Variants in KANTR observed in about 807,000 individuals in gnomAD.
KANTR encodes KDM5C adjacent transcript.
Position 53,115,387 on chromosome X carries a change from CG to C in KANTR, c.-804-8075del, listed in dbSNP as rs782581920. On this transcript the variant is annotated intron_variant, in intron 2 of 2. Transcript: ENST00000604062. ...CTGGGGTGGGCCTGAAACCTGGGGCCGGGGGGGCCAGCCCCATGCTGGGGAT... is the reference window on the plus strand; with the variant it reads ...CTGGGGTGGGCCTGAAACCTGGGGCCGGGGGGCCAGCCCCATGCTGGGGAT... Among the ~76,000 whole-genome samples, 3 of 110,313 alleles carry C rather than the reference CG, an allele frequency of 2.7e-5. No homozygotes were observed. The Admixed American group carries it at 2.8e-4, about 10-fold the overall frequency.
intron 1 of KANTR, among the ~76,000 whole-genome samples, chrX:53,096,742 C>T (rs1216197747): frequency 2.7e-5 from 3 of 110,273 alleles, no homozygotes; most frequent in African/African-American, 9.9e-5. Flanking sequence ...GGGAGGATTG[C>T]TTGAGCCCAG....
chrX:53,146,347 C>T (rs958882160), downstream of KANTR, among the ~76,000 whole-genome samples: 12 of 112,222 alleles, frequency 1.1e-4, 1 homozygote, highest in Admixed American at 3.8e-4. Flanking sequence ...CTGATGAATG[C>T]ACAAGCCTCA....
chrX:53,144,033 G>A, downstream of KANTR: 1 of 196,980 alleles, frequency 5.1e-6, no homozygotes, highest in Non-Finnish European at 9.6e-6. Flanking sequence ...ACTGATTTTT[G>A]ATGGAAATTT....
At chrX:53,114,395 C>T (rs1334771201) in intron 2 of KANTR, among the ~76,000 whole-genome samples, 2 of 112,465 alleles carry the variant, frequency 1.8e-5, no homozygotes, top group East Asian at 5.6e-4. Flanking sequence ...GTCTGCACAT[C>T]TGAAGACGTG....
intron 1 of KANTR, among the ~76,000 whole-genome samples, chrX:53,098,776 AGT>A (rs1169053985): frequency 2.7e-5 from 3 of 109,498 alleles, no homozygotes; most frequent in African/African-American, 1.0e-4. Context: ...CCCAGGCTAG[AGT>A]GTAGTGGCGC....
At chrX:53,113,787 A>G (rs782697964) in intron 2 of KANTR, among the ~76,000 whole-genome samples, 91 of 108,845 alleles carry the variant, frequency 8.4e-4, no homozygotes, top group African/African-American at 2.8e-3. Context: ...CACCATGTTG[A>G]TCAGGCTGGT....
At chrX:53,144,681 T>G (rs1418482639), downstream of KANTR, among the ~76,000 whole-genome samples, 1 of 111,390 alleles carries the variant, frequency 9.0e-6, no homozygotes, top group Non-Finnish European at 1.9e-5. Context: ...AAAAAAAAAG[T>G]CCATACATGA....
chrX:53,119,481 A>G (rs1602121746), intron 2 of KANTR, among the ~76,000 whole-genome samples: 1 of 111,592 alleles, frequency 9.0e-6, no homozygotes, highest in South Asian at 3.7e-4. Flanking sequence ...ATTATTTTCC[A>G]TATGAATAAC....
At chrX:53,143,296 G>C (rs1433222617), downstream of KANTR, 3 of 611,105 alleles carry the variant, frequency 4.9e-6, no homozygotes, top group African/African-American at 6.6e-5. Context: ...TTGATGTCGC[G>C]CACAATCTCC....
At chrX:53,117,206 C>CGAG (rs1279674838) in intron 2 of KANTR, among the ~76,000 whole-genome samples, 1 of 39,377 alleles carries the variant, frequency 2.5e-5, no homozygotes, top group Non-Finnish European at 6.6e-5. Context: ...CGCTTGAACC[C>CGAG]AAGAGGAGGT....
chrX:53,094,220 C>T (rs782213279), exon 1 of KANTR: 2 of 112,663 alleles, frequency 1.8e-5, no homozygotes, highest in East Asian at 2.8e-4. Flanking sequence ...TCAGATCTTG[C>T]TGTAGGCCTC....
chrX:53,103,457 C>G (rs781893105), intron 2 of KANTR, among the ~76,000 whole-genome samples: 1 of 111,464 alleles, frequency 9.0e-6, no homozygotes, highest in Non-Finnish European at 1.9e-5. Flanking sequence ...CCCCCATGCT[C>G]CTATGTCCCT....
exon 3 of KANTR, chrX:53,142,146 C>T (rs1556818553): frequency 8.1e-6 from 1 of 122,702 alleles, no homozygotes; most frequent in Non-Finnish European, 1.7e-5. Flanking sequence ...ACAAAGTGCC[C>T]AAGCCACATG....
intron 2 of KANTR, among the ~76,000 whole-genome samples, chrX:53,100,349 G>A (rs782598866): frequency 6.3e-5 from 7 of 110,730 alleles, no homozygotes; most frequent in South Asian, 3.8e-4. Context: ...GTGTAGTGGC[G>A]CATGCCTATA....
At chrX:53,107,408 G>A (rs1225956910) in intron 2 of KANTR, among the ~76,000 whole-genome samples, 1 of 93,523 alleles carries the variant, frequency 1.1e-5, no homozygotes, top group Non-Finnish European at 2.0e-5. Context: ...CTCCCAAAGT[G>A]CTGGGATTAC....
chrX:53,123,178 C>CT (rs200574097), intron 2 of KANTR, among the ~76,000 whole-genome samples: 13,678 of 99,114 alleles, frequency 0.14, 845 homozygotes, highest in South Asian at 0.18. Context: ...CTGAGCAAGA[C>CT]TTTTTTTTTT....
intron 2 of KANTR, among the ~76,000 whole-genome samples, chrX:53,108,642 A>G (rs1170488451): frequency 9.0e-6 from 1 of 111,392 alleles, no homozygotes; most frequent in African/African-American, 3.2e-5. Context: ...GGGATTTTTA[A>G]ATATACAAGA....
intron 2 of KANTR, 48 bp from the exon 3 acceptor site, chrX:53,123,421 G>A (rs1236913381): frequency 2.7e-5 from 3 of 111,588 alleles, no homozygotes; most frequent in Non-Finnish European, 3.8e-5. Context: ...CCAGTTGAAC[G>A]CTTTCATATT....
intron 2 of KANTR, among the ~76,000 whole-genome samples, chrX:53,110,263 A>G (rs188257047): frequency 1.8e-5 from 2 of 111,757 alleles, no homozygotes; most frequent in Admixed American, 1.9e-4. Context: ...TTCACCATTG[A>G]GTATGATGGT....
Sources: gnomAD v4.1 joint callset for allele counts (sites outside exome capture counted in the v4.1 genomes callset) on GRCh38, gnomAD v4.1.1 for gene constraint, MANE v1.5 for transcripts, NCBI Gene and HGNC (gene_info 2026-07-23, HGNC 2026-07-21) for gene names.